Variants in ST8SIA2 observed in about 807,000 individuals in gnomAD.
The protein encoded by ST8SIA2 is ST8 alpha-N-acetyl-neuraminide alpha-2,8-sialyltransferase 2.
ST8SIA2 carries 22 observed loss-of-function variants against 37.6 expected under a neutral mutation model. That is an observed-to-expected ratio of 0.58 (90% CI 0.42 to 0.83). The LOEUF (loss-of-function observed/expected upper bound fraction) is 0.83, where lower values mean the gene tolerates loss of function less well. Among genes scored for constraint, ST8SIA2 ranks in the 40% least tolerant of loss-of-function variants. ST8SIA2 has a pLI of 0.00. For synonymous variants in ST8SIA2, 205 were observed against 201.2 expected (o/e 1.02, Z -0.16); for missense variants, 382 against 484.7 (o/e 0.79, Z 1.99).
chr15:92,464,205 G>T lies in ST8SIA2; in HGVS notation c.948G>T (p.Trp316Cys), dbSNP rs2049976641. The T allele has an allele frequency of 6.2e-7, 1 of 1,612,732 alleles. No individual in the cohort carries two copies. The highest frequency in any genetic ancestry group is 1.7e-5 in the Admixed American group (1 of 59,782). The stretch of plus-strand genomic sequence containing the variant: ...AACAAATCTACCTCTACGGCTTCTG[G>T]CCCTTTCCGCTGGATCAGAACCAGA... ...FCKQIYLYGF[W>C]PFPLDQNQNP... The change falls in exon 6 of 6, where the codon TGG becomes TGT. Residue 316 changes from tryptophan (W) to cysteine (C), a missense_variant. Coordinates refer to ENST00000268164, the MANE Select transcript of ST8SIA2 (RefSeq NM_006011.4).
intron 1 of ST8SIA2, among the ~76,000 whole-genome samples, chr15:92,408,051 A>T (rs902191919): frequency 6.6e-6 from 1 of 152,022 alleles, no homozygotes; most frequent in African/African-American, 2.4e-5. Context: ...TCCTTGCAAA[A>T]CTTCTCTCCA....
At position 92,407,977 on chromosome 15, in the gene ST8SIA2, A is replaced by C. The variant is rs1483115889; in HGVS notation, c.98+13815A>C. ...AAATGTTTGAAGTTTATGCAATGACATCCCAGCCTTTCTTCTCCCCGATAG... is the reference window on the plus strand; with the variant it reads ...AAATGTTTGAAGTTTATGCAATGACCTCCCAGCCTTTCTTCTCCCCGATAG... On this transcript the variant is annotated intron_variant, in intron 1 of 5. Transcript: ENST00000268164. Among the ~76,000 whole-genome samples, 6 of 152,298 alleles carry C rather than the reference A, an allele frequency of 3.9e-5. 1 individual carries two copies. The highest frequency in any genetic ancestry group is 3.9e-4 in the Admixed American group (6 of 15,308).
chr15:92,424,176 G>A (rs1210711334), intron 1 of ST8SIA2, among the ~76,000 whole-genome samples: 1 of 152,194 alleles, frequency 6.6e-6, no homozygotes, highest in Non-Finnish European at 1.5e-5. Flanking sequence ...GTTGGCTCTA[G>A]ACTCTTAATT....
chr15:92,417,289 G>C (rs1596234205), intron 1 of ST8SIA2, among the ~76,000 whole-genome samples: 3 of 152,336 alleles, frequency 2.0e-5, no homozygotes, highest in Middle Eastern at 3.4e-3. Context: ...ATGGCTGCTG[G>C]AGCAGAGGAA....
chr15:92,445,020 C>G (rs904252813), intron 5 of ST8SIA2, 91 bp downstream of exon 5: 1 of 1,557,942 alleles, frequency 6.4e-7, no homozygotes, highest in African/African-American at 1.4e-5. Context: ...CATTTCCATC[C>G]CAGCTCCACC....
At chr15:92,422,901 G>A (rs2049647080) in intron 1 of ST8SIA2, among the ~76,000 whole-genome samples, 1 of 152,168 alleles carries the variant, frequency 6.6e-6, no homozygotes, top group African/African-American at 2.4e-5. Flanking sequence ...CACTTTGGAG[G>A]GGTCTTTCCT....
At chr15:92,413,713 A>T (rs1374926569) in intron 1 of ST8SIA2, among the ~76,000 whole-genome samples, 1 of 152,218 alleles carries the variant, frequency 6.6e-6, no homozygotes, top group African/African-American at 2.4e-5. Context: ...CCCTGCGGTC[A>T]TGTGGAGAAG....
chr15:92,437,479 C>T (rs1345541162), intron 3 of ST8SIA2, among the ~76,000 whole-genome samples: 1 of 152,142 alleles, frequency 6.6e-6, no homozygotes, highest in Non-Finnish European at 1.5e-5. Context: ...TCAAAGCTAC[C>T]CCAGAGCCTA....
At chr15:92,443,073 T>C (rs1293907745) in intron 4 of ST8SIA2, among the ~76,000 whole-genome samples, 1 of 152,106 alleles carries the variant, frequency 6.6e-6, no homozygotes, top group Admixed American at 6.5e-5. Context: ...TCTTTCTGAT[T>C]AACCCACTTT....
intron 3 of ST8SIA2, among the ~76,000 whole-genome samples, chr15:92,434,983 A>C (rs983785104): frequency 1.3e-5 from 2 of 152,226 alleles, no homozygotes; most frequent in Non-Finnish European, 2.9e-5. Flanking sequence ...TGCAGCCATC[A>C]TCGGGTAGTG....
chr15:92,432,125 T>C (rs2049720442), intron 2 of ST8SIA2, among the ~76,000 whole-genome samples: 1 of 152,150 alleles, frequency 6.6e-6, no homozygotes, highest in African/African-American at 2.4e-5. Flanking sequence ...CACCCTAGAC[T>C]GAACCCACCT....
intron 5 of ST8SIA2, among the ~76,000 whole-genome samples, chr15:92,456,136 T>C (rs2049917815): frequency 6.6e-6 from 1 of 152,252 alleles, no homozygotes; most frequent in African/African-American, 2.4e-5. Context: ...AGATGATACC[T>C]GGGCATGAGC....
At chr15:92,395,408 C>T (rs1758375413) in intron 1 of ST8SIA2, among the ~76,000 whole-genome samples, 1 of 152,188 alleles carries the variant, frequency 6.6e-6, no homozygotes, top group African/African-American at 2.4e-5. Flanking sequence ...GATGCCGAGG[C>T]CCCAAGGACA....
chr15:92,434,445 T>G, intron 3 of ST8SIA2, 70 bp downstream of exon 3: 2 of 1,604,992 alleles, frequency 1.2e-6, no homozygotes, highest in South Asian at 2.2e-5. Context: ...TTGCTTCTCT[T>G]CGTCATCTAA....
At chr15:92,446,207 C>T (rs1211568119) in intron 5 of ST8SIA2, among the ~76,000 whole-genome samples, 3 of 152,130 alleles carry the variant, frequency 2.0e-5, no homozygotes, top group Admixed American at 6.5e-5. Context: ...GTTGACCATG[C>T]GTCTCTCTCT....
rs777375138 is a variant in ST8SIA2 at position 92,444,905 on chromosome 15, T to C, written c.818T>C (p.Leu273Pro). 6.2e-7 allele frequency: 1 copy of C among 1,612,652 alleles called. No individual in the cohort carries two copies. Among genetic ancestry groups the C allele is most frequent in the Non-Finnish European group, 8.5e-7 (1 of 1,180,026 alleles). ...HVNVRTAYPS[L>P]RLLHAVRGYW... is the part of the protein sequence containing the mutation. ...AACGTGCGCACTGCATACCCCTCGCTGCGCCTGCTGCACGCCGTTCGCGGG... is the reference window on the plus strand; with the variant it reads ...AACGTGCGCACTGCATACCCCTCGCCGCGCCTGCTGCACGCCGTTCGCGGG... Residue 273 changes from leucine (L) to proline (P), a missense_variant, in exon 5 of 6, where the codon CTG becomes CCG. By Grantham distance (98) the Leu-to-Pro change is moderately conservative (BLOSUM62 -3). Transcript: ENST00000268164.
chr15:92,434,457 G>A, intron 3 of ST8SIA2, 82 bp downstream of exon 3: 1 of 1,593,060 alleles, frequency 6.3e-7, no homozygotes, highest in Non-Finnish European at 8.6e-7. Context: ...GTCATCTAAA[G>A]AAGTCAGGAT....
In ST8SIA2 at chr15:92,445,129, C is replaced by G. The variant is rs1394280503; in HGVS notation, c.842+200C>G. ...TGGCAAGTGGGTTTCATCTGGCATG[C>G]CAATTTTGACCAATGGGTAGTGCCT... On this transcript the variant is annotated intron_variant, in intron 5 of 5. Transcript: ENST00000268164. 3 of 704,584 alleles carry G rather than the reference C, an allele frequency of 4.3e-6. No individual in the cohort carries two copies. In the South Asian group the frequency reaches 5.3e-5, roughly 12 times the overall value. The allele number at this position is 704,584 out of a possible 1,614,324, so 43.6% of individuals were successfully genotyped here.
chr15:92,395,180 C>T (rs2049421699), intron 1 of ST8SIA2, among the ~76,000 whole-genome samples: 1 of 152,210 alleles, frequency 6.6e-6, no homozygotes, highest in African/African-American at 2.4e-5. Context: ...CCGAGGAGAG[C>T]TTCCTGGCCC....
Sources: gnomAD v4.1 joint callset for allele counts (sites outside exome capture counted in the v4.1 genomes callset) on GRCh38, gnomAD v4.1.1 for gene constraint, MANE v1.5 for transcripts, NCBI Gene and HGNC (gene_info 2026-07-23, HGNC 2026-07-21) for gene names.